The following SMYD1 variants were observed in gnomAD, a reference collection of about 807,000 sequenced individuals.
SMYD1 encodes the protein histone-lysine N-methyltransferase SMYD1.
SMYD1 carries 49 observed loss-of-function variants against 54.0 expected under a neutral mutation model. The ratio of observed to expected loss-of-function variants is 0.91; its 90% CI spans 0.72 to 1.15. The LOEUF (loss-of-function observed/expected upper bound fraction) is 1.15, where lower values mean the gene tolerates loss of function less well. Among genes scored for constraint, SMYD1 ranks in the 50% most tolerant of loss-of-function variants. The pLI is 0.00. For missense variants in SMYD1, 653 were observed against 639.6 expected, an observed-to-expected ratio of 1.02 and a Z score of -0.23; for synonymous variants, 269 against 234.2, an observed-to-expected ratio of 1.15 and a Z score of -1.36.
chr2:88,102,784 C>T (rs755560362), intron 6 of SMYD1, among the ~76,000 whole-genome samples: 5 of 152,152 alleles, frequency 3.3e-5, no homozygotes, highest in Non-Finnish European at 7.3e-5. Flanking sequence ...AGGTTCTGCC[C>T]TGGGGTTCAA....
chr2:88,095,862 C>T (rs1237788936), intron 5 of SMYD1, among the ~76,000 whole-genome samples: 3 of 152,168 alleles, frequency 2.0e-5, no homozygotes, highest in Non-Finnish European at 2.9e-5. Context: ...CAGTACCTAT[C>T]ACATTAGGTA....
At chr2:88,070,561 C>G (rs981695335) in intron 1 of SMYD1, among the ~76,000 whole-genome samples, 1 of 151,706 alleles carries the variant, frequency 6.6e-6, no homozygotes, top group Non-Finnish European at 1.5e-5. Flanking sequence ...CTAGAATATT[C>G]CAATATGTTA....
chr2:88,070,228 T>C (rs1369841975), intron 1 of SMYD1, among the ~76,000 whole-genome samples: 2 of 152,066 alleles, frequency 1.3e-5, no homozygotes, highest in Non-Finnish European at 2.9e-5. Flanking sequence ...TAAAGGAAAG[T>C]TTTATGCATT....
In SMYD1 at chr2:88,103,081, G is replaced by A. The variant is rs183755893; in HGVS notation, c.912G>A (p.Glu304=). ...AGCCCTCTCAGGAAGTGGTGAAGGA[G>A]ATGATACAATTCTCCAAGGATACAT... ...NPKPSQEVVK[E]MIQFSKDTLE... is the part of the protein sequence containing the mutation. Residue 304 remains glutamate (E), a synonymous_variant, in exon 7 of 10, where the codon GAG becomes GAA. Transcript: ENST00000419482. The A allele has an allele frequency of 9.3e-5, 150 of 1,614,116 alleles. No individual in the cohort carries two copies. Among genetic ancestry groups the A allele is most frequent in the Non-Finnish European group, 9.9e-5 (117 of 1,179,970 alleles).
rs759065695 is a variant in SMYD1 at position 88,110,361 on chromosome 2, G to A, written c.1322G>A (p.Arg441Gln). 54 of 1,611,610 alleles carry A rather than the reference G, an allele frequency of 3.4e-5. No homozygotes were observed. The highest frequency in any genetic ancestry group is 5.5e-5 in the South Asian group (5 of 90,360). The change falls in exon 10 of 10, where the codon CGG (arginine) becomes CAG (glutamine). Residue 441 changes from arginine (R) to glutamine (Q), a missense_variant. Arg to Gln is a conservative substitution (Grantham distance 43, BLOSUM62 1). Transcript: ENST00000419482. ...HPITKDLEAMRVQTEMELRMF... is the reference protein window; with the variant it reads ...HPITKDLEAMQVQTEMELRMF... The stretch of plus-strand genomic sequence containing the variant: ...TGTATCTGTGTCCCACAGGCCATGC[G>A]GGTGCAGACGGAGATGGAGCTACGC...
At chr2:88,105,627 A>T (rs529737308) in intron 7 of SMYD1, among the ~76,000 whole-genome samples, 1 of 151,980 alleles carries the variant, frequency 6.6e-6, no homozygotes, top group East Asian at 1.9e-4. Flanking sequence ...CTGTTGTATG[A>T]TTCTTTCTTT....
intron 1 of SMYD1, among the ~76,000 whole-genome samples, chr2:88,070,867 C>T (rs1464675673): frequency 2.1e-5 from 3 of 141,892 alleles, no homozygotes; most frequent in African/African-American, 7.8e-5. Flanking sequence ...CGCTTAAACC[C>T]GGGAGGCAGA....
chr2:88,094,650 T>C (rs1674537147), intron 5 of SMYD1, among the ~76,000 whole-genome samples: 1 of 152,186 alleles, frequency 6.6e-6, no homozygotes, highest in Admixed American at 6.5e-5. Flanking sequence ...GTTAATTTGG[T>C]TTTGAAAAAT....
intron 7 of SMYD1, among the ~76,000 whole-genome samples, chr2:88,104,585 G>A (rs1384739877): frequency 1.3e-5 from 2 of 152,174 alleles, no homozygotes; most frequent in East Asian, 3.9e-4. Context: ...GCCTCCATAG[G>A]TTTAAGAGGA....
chr2:88,073,251 A>G (rs1673988452), intron 1 of SMYD1, among the ~76,000 whole-genome samples: 2 of 152,284 alleles, frequency 1.3e-5, no homozygotes, highest in South Asian at 4.1e-4. Context: ...GTTCTTTTTT[A>G]ACAGCTGTGT....
rs181161730 is a variant in SMYD1, at chr2:88,104,491, G to C, written c.981+1341G>C. 2.0e-5 allele frequency among the ~76,000 whole-genome samples: 3 copies of C among 152,306 alleles called. No individual in the cohort carries two copies. In the East Asian group the frequency reaches 5.8e-4, roughly 30 times the overall value. The stretch of plus-strand genomic sequence containing the variant: ...TGGAGTGAGCAGGAGGGCCCCACTG[G>C]CTCCATTGCCCTGGGTTCTCTCCTG... On this transcript the variant is annotated intron_variant, in intron 7 of 9. Coordinates refer to ENST00000419482, the MANE Select transcript of SMYD1 (RefSeq NM_198274.4).
At chr2:88,068,053 A>G (rs757729953) in intron 1 of SMYD1, 52 bp downstream of exon 1, 3 of 1,544,494 alleles carry the variant, frequency 1.9e-6, no homozygotes, top group Non-Finnish European at 2.6e-6. Flanking sequence ...CTGGGGCCAA[A>G]CTCTAAAATA....
In SMYD1 at chr2:88,112,132, C is replaced by T; in HGVS notation, c.*1620C>T. The T allele has an allele frequency of 1.4e-6, 1 of 703,416 alleles. No homozygotes were observed. Among genetic ancestry groups the T allele is most frequent in the East Asian group, 2.7e-5 (1 of 37,286 alleles). 43.6% of individuals were successfully genotyped at this position (703,416 alleles called of 1,614,324 possible). ...ACAAGAAGACTGATAGTCTTTCAAG[C>T]CCCCACATCACAGGCTTAGGGACGG... On this transcript the variant is annotated 3_prime_UTR_variant, in exon 10 of 10. Transcript: ENST00000419482.
chr2:88,108,172 C>A (rs1167784564), intron 8 of SMYD1, among the ~76,000 whole-genome samples, 199 bp from the exon 9 acceptor site: 2 of 152,228 alleles, frequency 1.3e-5, no homozygotes, highest in African/African-American at 2.4e-5. Flanking sequence ...TCAGCTGTCA[C>A]AGCCTCACTG....
At chr2:88,091,194 G>A (rs968047594) in intron 4 of SMYD1, 52 bp downstream of exon 4, 38 of 1,572,660 alleles carry the variant, frequency 2.4e-5, no homozygotes, top group Non-Finnish European at 3.3e-5. Flanking sequence ...GGAGACCTAT[G>A]GTGTTTTCTC....
chr2:88,084,440 A>T lies in SMYD1; in HGVS notation c.262A>T (p.Asn88Tyr), dbSNP rs1674273950. The change falls in exon 2 of 10, where the codon AAT becomes TAT. Residue 88 changes from asparagine (N) to tyrosine (Y), a missense_variant. Physicochemically the swap from Asn to Tyr is moderately radical, Grantham distance 143. Transcript: ENST00000419482. ...GAAGGATGCTTGGCTGAACCACAAG[A>T]ATGAATGTTCGGCCATCAAGAGATA... ...CQKDAWLNHK[N>Y]ECSAIKRYGK... 6.2e-7 allele frequency: 1 copy of T among 1,606,286 alleles called. No homozygotes were observed. Among genetic ancestry groups the T allele is most frequent in the South Asian group, 1.1e-5 (1 of 90,626 alleles).
intron 2 of SMYD1, 82 bp from the exon 3 acceptor site, chr2:88,087,780 G>C (rs758176073): frequency 3.4e-5 from 42 of 1,234,706 alleles, no homozygotes; most frequent in Non-Finnish European, 4.7e-5. Context: ...CATTGTGCCT[G>C]GCATGCATGA....
At chr2:88,088,285 C>A (rs1674386375) in intron 3 of SMYD1, among the ~76,000 whole-genome samples, 1 of 152,224 alleles carries the variant, frequency 6.6e-6, no homozygotes, top group Admixed American at 6.5e-5. Context: ...CCGCATGTAG[C>A]AGAAACATCT....
At position 88,069,213 on chromosome 2, in the gene SMYD1, A is replaced by G. The variant is rs796551483; in HGVS notation, c.137+1212A>G. On this transcript the variant is annotated intron_variant, in intron 1 of 9. Coordinates refer to ENST00000419482, the MANE Select transcript of SMYD1 (RefSeq NM_198274.4). ...ACATCTATGTGGTTTGAGTCTGATA[A>G]CCTAGGCTTTGTGGTTGGCTGGCTG... Among the ~76,000 whole-genome samples, 56 of 152,244 alleles carry G rather than the reference A, an allele frequency of 3.7e-4. 1 individual carries two copies. The highest frequency in any genetic ancestry group is 1.3e-3 in the African/African-American group (56 of 41,522).
Sources: allele counts gnomAD v4.1 joint callset (sites outside exome capture counted in the v4.1 genomes callset), GRCh38; gene constraint gnomAD v4.1.1; transcripts MANE v1.5; gene names NCBI Gene and HGNC (gene_info 2026-07-23, HGNC 2026-07-21).